CCDC34: variants seen among roughly 807,000 people sequenced by gnomAD.
CCDC34 encodes coiled-coil domain-containing protein 34.
CCDC34 carries 40 observed loss-of-function variants against 44.1 expected under a neutral mutation model. The observed-to-expected ratio is 0.91, with a 90% CI of 0.70 to 1.18. The LOEUF (loss-of-function observed/expected upper bound fraction) is 1.18, where lower values mean the gene tolerates loss of function less well. CCDC34 is among the 50% of genes most tolerant of loss of function. The pLI is 0.00. For synonymous variants in CCDC34, 159 were observed against 158.2 expected (o/e 1.01, Z -0.04); for missense variants, 466 against 452.3 (o/e 1.03, Z -0.28).
Position 27,349,209 on chromosome 11 carries a change from A to G in CCDC34, c.606+1123T>C, listed in dbSNP as rs1862473120. 1.7e-5 allele frequency: 16 copies of G among 958,110 alleles called. No individual in the cohort carries two copies. In the South Asian group the frequency reaches 6.8e-4, roughly 41 times the overall value. 59.4% of individuals were successfully genotyped at this position (958,110 alleles called of 1,614,324 possible). Reference sequence around the variant, plus strand: ...TTTTATAGTTACAAATTTCAAAAAGATATTACCCAAAGTTTTATAACAGTC... The same window carrying G: ...TTTTATAGTTACAAATTTCAAAAAGGTATTACCCAAAGTTTTATAACAGTC... On this transcript the variant is annotated intron_variant, in intron 3 of 5. Coordinates refer to ENST00000328697, the MANE Select transcript of CCDC34 (RefSeq NM_030771.2).
chr11:27,360,217 G>GA (rs1372641531), intron 1 of CCDC34, among the ~76,000 whole-genome samples: 1 of 152,154 alleles, frequency 6.6e-6, no homozygotes, highest in African/African-American at 2.4e-5. Flanking sequence ...ATGGATAGTG[G>GA]TAGAAAAACC....
chr11:27,362,782 A>G, intron 1 of CCDC34, 54 bp downstream of exon 1: 1 of 1,565,356 alleles, frequency 6.4e-7, no homozygotes, highest in Non-Finnish European at 8.7e-7. Flanking sequence ...GGTACTTAAG[A>G]GGGTCTAAGG....
chr11:27,343,093 A>T (rs146457379), intron 3 of CCDC34, among the ~76,000 whole-genome samples: 70 of 152,308 alleles, frequency 4.6e-4, no homozygotes, highest in African/African-American at 1.7e-3. Context: ...TGTGCAGGAA[A>T]GACAGGTCTT....
At chr11:27,347,781 G>A (rs1386997417) in intron 3 of CCDC34, among the ~76,000 whole-genome samples, 5 of 152,102 alleles carry the variant, frequency 3.3e-5, no homozygotes, top group African/African-American at 1.2e-4. Context: ...ACTCTCTGGG[G>A]TGATGGAAAT....
At chr11:27,357,563 A>G in intron 1 of CCDC34, 22 bp from the exon 2 acceptor site, 1 of 1,607,278 alleles carries the variant, frequency 6.2e-7, no homozygotes, top group South Asian at 1.1e-5. Context: ...AGGCTACTAT[A>G]GTACTTGTAC....
chr11:27,361,500 T>C (rs1183496437), intron 1 of CCDC34, among the ~76,000 whole-genome samples: 1 of 152,212 alleles, frequency 6.6e-6, no homozygotes, highest in African/African-American at 2.4e-5. Context: ...AAGGCCCAGA[T>C]GAAAACAATT....
At chr11:27,348,884 A>T in intron 3 of CCDC34, 1 of 975,240 alleles carries the variant, frequency 1.0e-6, no homozygotes, top group Non-Finnish European at 1.2e-6. Context: ...ATAACGTCTC[A>T]GTTTTATTTT....
chr11:27,339,175 T>TA, intron 5 of CCDC34, 140 bp from the exon 6 acceptor site: 2 of 626,708 alleles, frequency 3.2e-6, no homozygotes, highest in Non-Finnish European at 5.5e-6. Flanking sequence ...ATTTGAAACT[T>TA]AAACTCCTTG....
At chr11:27,359,881 C>T (rs975067612) in intron 1 of CCDC34, among the ~76,000 whole-genome samples, 11 of 152,312 alleles carry the variant, frequency 7.2e-5, no homozygotes, top group Admixed American at 3.3e-4. Context: ...AGCCACAACT[C>T]TTGGGCTTCC....
intron 3 of CCDC34, among the ~76,000 whole-genome samples, chr11:27,345,420 T>C (rs1002218992): frequency 1.3e-5 from 2 of 152,196 alleles, no homozygotes; most frequent in Non-Finnish European, 2.9e-5. Flanking sequence ...TATATCCTAA[T>C]GCTATCCCTC....
At chr11:27,342,878 C>A (rs1862381085) in intron 3 of CCDC34, among the ~76,000 whole-genome samples, 1 of 152,154 alleles carries the variant, frequency 6.6e-6, no homozygotes, top group African/African-American at 2.4e-5. Context: ...CATAGCCAGT[C>A]TTCTTTATCA....
intron 3 of CCDC34, chr11:27,350,003 G>A (rs1862482756): frequency 1.7e-6 from 2 of 1,183,908 alleles, no homozygotes; most frequent in Non-Finnish European, 1.0e-6. Context: ...ATTTACGAAG[G>A]AGAAATGGGC....
At chr11:27,360,956 T>G (rs886696423) in intron 1 of CCDC34, among the ~76,000 whole-genome samples, 2 of 152,112 alleles carry the variant, frequency 1.3e-5, no homozygotes, top group African/African-American at 4.8e-5. Context: ...ATGAGGAAAT[T>G]TTCTAAAAAT....
chr11:27,359,472 A>G (rs1035047021), intron 1 of CCDC34, among the ~76,000 whole-genome samples: 57 of 151,138 alleles, frequency 3.8e-4, no homozygotes, highest in Admixed American at 1.3e-4. Flanking sequence ...CTTCCTAGCT[A>G]TGTACATTTT....
At chr11:27,352,927 C>A (rs566167744) in intron 2 of CCDC34, among the ~76,000 whole-genome samples, 1 of 152,216 alleles carries the variant, frequency 6.6e-6, no homozygotes, top group East Asian at 1.9e-4. Context: ...AAGTCTGGCC[C>A]TTCTTAGAAT....
chr11:27,356,165 T>C (rs1590330289), intron 2 of CCDC34, among the ~76,000 whole-genome samples: 5 of 151,724 alleles, frequency 3.3e-5, no homozygotes, highest in Admixed American at 3.3e-4. Context: ...ATTACAGGCA[T>C]GCACCACCAC....
intron 1 of CCDC34, among the ~76,000 whole-genome samples, 170 bp from the exon 2 acceptor site, chr11:27,357,711 G>T (rs758039493): frequency 2.0e-5 from 3 of 152,138 alleles, no homozygotes; most frequent in Non-Finnish European, 4.4e-5. Flanking sequence ...ATCATGAAAA[G>T]AAATTCTAAT....
At chr11:27,362,688 T>C in intron 1 of CCDC34, 148 bp downstream of exon 1, 1 of 781,804 alleles carries the variant, frequency 1.3e-6, no homozygotes. Context: ...ACAGGGCTCT[T>C]TATGTGCAAA....
intron 3 of CCDC34, among the ~76,000 whole-genome samples, chr11:27,343,551 C>A (rs545756934): frequency 6.6e-6 from 1 of 152,252 alleles, no homozygotes; most frequent in Admixed American, 6.5e-5. Flanking sequence ...TGGATTTTAA[C>A]TACTTCAAAC....
Sources: allele counts gnomAD v4.1 joint callset (sites outside exome capture counted in the v4.1 genomes callset), GRCh38; gene constraint gnomAD v4.1.1; transcripts MANE v1.5; gene names NCBI Gene and HGNC (gene_info 2026-07-23, HGNC 2026-07-21).